Variants in TENM3 observed in about 807,000 individuals in gnomAD.
The protein encoded by TENM3 is teneurin transmembrane protein 3.
Under a neutral mutation model 255.1 loss-of-function variants are expected in TENM3, and 63 were observed. The observed-to-expected ratio is 0.25, with a 90% CI of 0.20 to 0.30. The LOEUF is 0.30. Among genes scored for constraint, TENM3 ranks in the 10% least tolerant of loss-of-function variants. The pLI, the probability that TENM3 is intolerant of heterozygous loss-of-function variation, is 1.00. For synonymous variants in TENM3, 1,306 were observed against 1,322.3 expected, an observed-to-expected ratio of 0.99 and a Z score of 0.27; for missense variants, 2,929 against 3,461.1, an observed-to-expected ratio of 0.85 and a Z score of 3.86.
At chr4:181,449,386 G>C in the TENM3 span, among the ~76,000 whole-genome samples, 1 of 152,076 alleles carries the variant, frequency 6.6e-6, no homozygotes, top group Admixed American at 6.6e-5. Context: ...GTTACTACTT[G>C]GGTAGTCTAA....
the TENM3 span, among the ~76,000 whole-genome samples, chr4:182,052,804 A>C: frequency 4.0e-5 from 6 of 150,180 alleles, no homozygotes; most frequent in South Asian, 1.3e-3. Context: ...AAGGATGAGA[A>C]TATAAACTCA....
chr4:181,575,178 A>G, the TENM3 span, among the ~76,000 whole-genome samples: 1 of 152,238 alleles, frequency 6.6e-6, no homozygotes, highest in South Asian at 2.1e-4. Context: ...CTATTGATAT[A>G]ATATTTCATT....
intron 3 of TENM3, among the ~76,000 whole-genome samples, chr4:182,519,723 C>T (rs1366020586): frequency 6.6e-6 from 1 of 152,152 alleles, no homozygotes; most frequent in South Asian, 2.1e-4. Flanking sequence ...TACAGTATTA[C>T]ATAATCCAAA....
intron 1 of TENM3, among the ~76,000 whole-genome samples, chr4:182,244,041 C>T (rs1757478720): frequency 6.6e-6 from 1 of 150,466 alleles, no homozygotes; most frequent in Non-Finnish European, 1.5e-5. Context: ...GCAAGCTCCG[C>T]CTCCCGGGTT....
At chr4:182,235,680 C>G (rs781210759) in intron 1 of TENM3, among the ~76,000 whole-genome samples, 9 of 152,144 alleles carry the variant, frequency 5.9e-5, no homozygotes, top group Non-Finnish European at 1.0e-4. Flanking sequence ...AGCCATCTCT[C>G]ACAAGCTGGA....
intron 3 of TENM3, among the ~76,000 whole-genome samples, chr4:182,573,621 A>G (rs1340620308): frequency 1.3e-5 from 2 of 152,218 alleles, no homozygotes; most frequent in African/African-American, 4.8e-5. Context: ...ACAAATATTT[A>G]TTACTTTAGA....
chr4:182,296,545 G>C (rs990601381), intron 1 of TENM3, among the ~76,000 whole-genome samples: 5 of 152,188 alleles, frequency 3.3e-5, no homozygotes, highest in Non-Finnish European at 7.3e-5. Flanking sequence ...GCTGTAACTA[G>C]TGGAGTTTGT....
At chr4:182,386,344 T>G (rs564477773) in intron 3 of TENM3, among the ~76,000 whole-genome samples, 1 of 152,310 alleles carries the variant, frequency 6.6e-6, no homozygotes, top group Admixed American at 6.5e-5. Context: ...CTGAAGTGTT[T>G]GTGTTTTGAA....
intron 3 of TENM3, among the ~76,000 whole-genome samples, chr4:182,550,600 T>C: frequency 6.6e-6 from 1 of 152,192 alleles, no homozygotes. Context: ...AAAATATTTC[T>C]TTTTGGGTTT....
intron 3 of TENM3, among the ~76,000 whole-genome samples, chr4:182,412,856 C>A: frequency 1.4e-5 from 2 of 146,892 alleles, no homozygotes; most frequent in Non-Finnish European, 1.5e-5. Context: ...CAGAGTGAGA[C>A]TCTGTCTCAA....
chr4:181,888,734 C>T, the TENM3 span, among the ~76,000 whole-genome samples: 5,591 of 149,330 alleles, frequency 0.037, 360 homozygotes, highest in African/African-American at 0.13. Flanking sequence ...TGGTTCAGTC[C>T]GAAGGCCTTG....
chr4:182,380,090 G>A (rs1003437405), intron 3 of TENM3, among the ~76,000 whole-genome samples: 1 of 151,996 alleles, frequency 6.6e-6, no homozygotes, highest in Non-Finnish European at 1.5e-5. Context: ...ACAACATGAC[G>A]AAACCCTGTC....
At chr4:182,539,403 G>A (rs1740649367) in intron 3 of TENM3, among the ~76,000 whole-genome samples, 1 of 152,120 alleles carries the variant, frequency 6.6e-6, no homozygotes, top group Non-Finnish European at 1.5e-5. Context: ...AGTGGATGAA[G>A]GAGTGAGCAA....
chr4:182,641,778 C>T (rs1278872147), intron 5 of TENM3, among the ~76,000 whole-genome samples: 5 of 152,186 alleles, frequency 3.3e-5, no homozygotes, highest in Admixed American at 6.5e-5. Context: ...CCACCTGCTT[C>T]GGCCTCCCAA....
At chr4:181,528,308 T>C in the TENM3 span, among the ~76,000 whole-genome samples, 1 of 152,186 alleles carries the variant, frequency 6.6e-6, no homozygotes, top group African/African-American at 2.4e-5. Flanking sequence ...AGCATAAAAT[T>C]ATTATTTTGA....
the TENM3 span, among the ~76,000 whole-genome samples, chr4:181,923,801 C>T: frequency 1.3e-5 from 2 of 152,066 alleles, no homozygotes; most frequent in Non-Finnish European, 2.9e-5. Context: ...CCAGGAGTTT[C>T]TTGTGTCATT....
At chr4:181,650,159 G>T in the TENM3 span, among the ~76,000 whole-genome samples, 1 of 152,126 alleles carries the variant, frequency 6.6e-6, no homozygotes, top group East Asian at 1.9e-4. Context: ...GTATCACTCT[G>T]GCTGTTCTTA....
the TENM3 span, among the ~76,000 whole-genome samples, chr4:181,935,170 TTAA>T: frequency 4.6e-5 from 7 of 152,264 alleles, no homozygotes; most frequent in South Asian, 2.1e-4. Context: ...AGACAGTTTA[TTAA>T]TAATAACACC....
chr4:182,708,282 G>A (rs1173738362), intron 12 of TENM3, among the ~76,000 whole-genome samples: 1 of 152,154 alleles, frequency 6.6e-6, no homozygotes, highest in Admixed American at 6.5e-5. Context: ...AGTGCTTCGT[G>A]TGTGTCCCTG....
Sources: allele counts gnomAD v4.1 joint callset (sites outside exome capture counted in the v4.1 genomes callset), GRCh38; gene constraint gnomAD v4.1.1; transcripts MANE v1.5; gene names NCBI Gene and HGNC (gene_info 2026-07-23, HGNC 2026-07-21).